ANKRD45: variants seen among roughly 807,000 people sequenced by gnomAD.
The protein encoded by ANKRD45 is ankyrin repeat domain 45, also known as ankyrin repeat domain-containing protein 45.
ANKRD45 carries 21 observed loss-of-function variants against 28.1 expected under a neutral mutation model. The ratio of observed to expected loss-of-function variants is 0.75; its 90% CI spans 0.53 to 1.08. The LOEUF (loss-of-function observed/expected upper bound fraction) is 1.08, where lower values mean the gene tolerates loss of function less well. ANKRD45 is among the 50% of genes least tolerant of loss of function. The probability of loss-of-function intolerance (pLI) is 0.00; values close to 1 mark genes in which losing one functional copy is unlikely to be tolerated. For synonymous variants in ANKRD45, 86 were observed against 103.9 expected (o/e 0.83, Z 1.05); for missense variants, 261 against 308.7 (o/e 0.85, Z 1.16).
chr1:173,640,334 G>C (rs1008087664), intron 3 of ANKRD45, among the ~76,000 whole-genome samples: 1 of 151,866 alleles, frequency 6.6e-6, no homozygotes, highest in Admixed American at 6.6e-5. Context: ...TCTCATCAAA[G>C]GGTGGAAGGA....
the ANKRD45 span, among the ~76,000 whole-genome samples, chr1:173,693,823 T>C: frequency 6.6e-6 from 1 of 152,240 alleles, no homozygotes; most frequent in South Asian, 2.1e-4. Flanking sequence ...ACTGGTCTGC[T>C]AGGCATAAAT....
At chr1:173,652,109 C>T (rs1352037884) in intron 2 of ANKRD45, among the ~76,000 whole-genome samples, 1 of 152,032 alleles carries the variant, frequency 6.6e-6, no homozygotes, top group Non-Finnish European at 1.5e-5. Flanking sequence ...CCTGATTGCC[C>T]TGGCCAGAAC....
chr1:173,630,791 A>C (rs1394447080), intron 3 of ANKRD45, among the ~76,000 whole-genome samples: 1 of 144,478 alleles, frequency 6.9e-6, no homozygotes, highest in Non-Finnish European at 1.5e-5. Flanking sequence ...CTGCACTCTA[A>C]CCTGGGTGAC....
At chr1:173,696,166 G>C in the ANKRD45 span, among the ~76,000 whole-genome samples, 1 of 151,904 alleles carries the variant, frequency 6.6e-6, no homozygotes, top group Admixed American at 6.6e-5. Context: ...TGTCTCCCCC[G>C]GACACCCAGC....
At chr1:173,668,591 G>T (rs2102404116) in intron 1 of ANKRD45, among the ~76,000 whole-genome samples, 1 of 152,242 alleles carries the variant, frequency 6.6e-6, no homozygotes, top group African/African-American at 2.4e-5. Context: ...AAGAATCCAA[G>T]AAGATACCTG....
the ANKRD45 span, among the ~76,000 whole-genome samples, chr1:173,705,738 T>C: frequency 6.6e-6 from 1 of 152,084 alleles, no homozygotes. Flanking sequence ...ATTTAATAAA[T>C]AAAAATATAA....
intron 3 of ANKRD45, among the ~76,000 whole-genome samples, chr1:173,640,970 C>T (rs1668674650): frequency 6.6e-6 from 1 of 152,148 alleles, no homozygotes; most frequent in South Asian, 2.1e-4. Context: ...TCTAAACTTG[C>T]CCTTGTTCAC....
At chr1:173,704,509 C>G in the ANKRD45 span, among the ~76,000 whole-genome samples, 3 of 152,194 alleles carry the variant, frequency 2.0e-5, no homozygotes, top group Non-Finnish European at 4.4e-5. Context: ...ATCAAATAAG[C>G]TTAACATCAG....
At chr1:173,711,397 T>C in the ANKRD45 span, among the ~76,000 whole-genome samples, 1 of 152,182 alleles carries the variant, frequency 6.6e-6, no homozygotes, top group South Asian at 2.1e-4. Flanking sequence ...TTGGTTCCGT[T>C]TGGAAAGGTG....
At chr1:173,680,282 A>T in the ANKRD45 span, among the ~76,000 whole-genome samples, 1 of 152,214 alleles carries the variant, frequency 6.6e-6, no homozygotes, top group African/African-American at 2.4e-5. Context: ...AAGACTTGGA[A>T]CCAACTCCAA....
At chr1:173,696,538 C>G in the ANKRD45 span, among the ~76,000 whole-genome samples, 1 of 152,102 alleles carries the variant, frequency 6.6e-6, no homozygotes, top group African/African-American at 2.4e-5. Flanking sequence ...GAGCCCTTTT[C>G]TCATTGTTTG....
At chr1:173,697,630 C>T in the ANKRD45 span, among the ~76,000 whole-genome samples, 7 of 152,314 alleles carry the variant, frequency 4.6e-5, no homozygotes, top group African/African-American at 1.4e-4. Context: ...GATTTTGTCA[C>T]CACCAGGCCT....
intron 2 of ANKRD45, chr1:173,657,808 T>G (rs1280463897): frequency 6.6e-6 from 1 of 151,632 alleles, no homozygotes; most frequent in Non-Finnish European, 1.5e-5. Context: ...TATTCAATTA[T>G]TTTTCTTTTA....
the ANKRD45 span, among the ~76,000 whole-genome samples, chr1:173,701,087 A>G: frequency 6.6e-6 from 1 of 152,276 alleles, no homozygotes; most frequent in Non-Finnish European, 1.5e-5. Context: ...ATCACTGGCC[A>G]TCAGAGAAAT....
rs34936839 is a variant in ANKRD45, at chr1:173,644,993, C to CA, written c.496+1852dup. ...GGGCAACAAGAGCGAAACTCCATCTCAAAAAAAAAAAAAAAAATTATGGAA... is the reference window on the plus strand; with the variant it reads ...GGGCAACAAGAGCGAAACTCCATCTCAAAAAAAAAAAAAAAAAATTATGGAA... On this transcript the variant is annotated intron_variant, in intron 3 of 5. Transcript: ENST00000333279. Among the ~76,000 whole-genome samples, 1,164 of 131,348 alleles carry CA rather than the reference C, an allele frequency of 8.9e-3. 16 individuals are homozygous for CA. Among genetic ancestry groups the CA allele is most frequent in the African/African-American group, 0.033 (1,106 of 33,260 alleles). 86.2% of individuals were successfully genotyped at this position (131,348 alleles called of 152,430 possible).
chr1:173,662,894 G>T (rs1351028332), intron 1 of ANKRD45, among the ~76,000 whole-genome samples: 2 of 152,100 alleles, frequency 1.3e-5, no homozygotes, highest in Non-Finnish European at 2.9e-5. Flanking sequence ...ACAGGGATTG[G>T]AAATGGGAGT....
chr1:173,682,684 T>TACACACACACACACAC, the ANKRD45 span, among the ~76,000 whole-genome samples: 1,220 of 144,004 alleles, frequency 8.5e-3, 24 homozygotes, highest in African/African-American at 0.03. Context: ...GCCTTTTAAA[T>TACACACACACACACAC]ACACACACAC....
At chr1:173,623,089 G>A (rs1357579597) in intron 5 of ANKRD45, among the ~76,000 whole-genome samples, 2 of 152,070 alleles carry the variant, frequency 1.3e-5, no homozygotes, top group African/African-American at 4.8e-5. Context: ...ACTGAGGTGG[G>A]CGGACCACCT....
chr1:173,692,839 A>T, the ANKRD45 span, among the ~76,000 whole-genome samples: 4 of 152,128 alleles, frequency 2.6e-5, no homozygotes, highest in South Asian at 2.1e-4. Flanking sequence ...TTTTCTGGGG[A>T]ATCAGTGATT....
Sources: gnomAD v4.1 joint callset for allele counts (sites outside exome capture counted in the v4.1 genomes callset) on GRCh38, gnomAD v4.1.1 for gene constraint, MANE v1.5 for transcripts, NCBI Gene and HGNC (gene_info 2026-07-23, HGNC 2026-07-21) for gene names.